Variants in LIPI observed in about 807,000 individuals in gnomAD.
LIPI encodes the protein lipase I, also known as lipase member I.
Under a neutral mutation model 50.6 loss-of-function variants are expected in LIPI, and 59 were observed. The observed-to-expected ratio is 1.16, with a 90% CI of 0.94 to 1.45. LIPI has a LOEUF of 1.45. LIPI is among the 40% of genes most tolerant of loss of function. The pLI is 0.00. For synonymous variants in LIPI, 203 were observed against 178.2 expected (o/e 1.14, Z -1.11); for missense variants, 586 against 536.3 (o/e 1.09, Z -0.92).
intron 9 of LIPI, chr21:14,143,823 G>T (rs1383446919): frequency 6.5e-6 from 1 of 153,680 alleles, no homozygotes; most frequent in East Asian, 1.9e-4. Context: ...GTGGAACAAG[G>T]ATAGTGGGAA....
intron 4 of LIPI, among the ~76,000 whole-genome samples, chr21:14,175,808 T>TC (rs1441117849): frequency 6.6e-6 from 1 of 152,188 alleles, no homozygotes; most frequent in Non-Finnish European, 1.5e-5. Context: ...TTGTTCTGTT[T>TC]TTTCTCTCCA....
At chr21:14,180,321 C>T (rs1417012511) in intron 4 of LIPI, among the ~76,000 whole-genome samples, 3 of 152,064 alleles carry the variant, frequency 2.0e-5, no homozygotes, top group Non-Finnish European at 2.9e-5. Flanking sequence ...GATCTTTGTA[C>T]CTACTCCCTG....
At chr21:14,188,220 C>T (rs916213293) in intron 2 of LIPI, among the ~76,000 whole-genome samples, 5 of 152,130 alleles carry the variant, frequency 3.3e-5, no homozygotes, top group Non-Finnish European at 7.4e-5. Flanking sequence ...TTTATTTGAT[C>T]CATTCAAATC....
At chr21:14,128,896 AGAG>A (rs2017174451) in intron 9 of LIPI, among the ~76,000 whole-genome samples, 1 of 152,098 alleles carries the variant, frequency 6.6e-6, no homozygotes, top group African/African-American at 2.4e-5. Context: ...GCCCTGGGTG[AGAG>A]TATTGATCAT....
At chr21:14,209,163 C>T (rs1031172527) in intron 1 of LIPI, among the ~76,000 whole-genome samples, 1 of 152,102 alleles carries the variant, frequency 6.6e-6, no homozygotes, top group Non-Finnish European at 1.5e-5. Context: ...TGCATATATG[C>T]ATATAATTTG....
chr21:14,116,327 G>A (rs776850460), intron 9 of LIPI, among the ~76,000 whole-genome samples: 16 of 152,094 alleles, frequency 1.1e-4, no homozygotes, highest in Non-Finnish European at 1.9e-4. Flanking sequence ...AGGTCAGTGC[G>A]TAAGGCCGAC....
chr21:14,199,666 G>C (rs774989623), intron 1 of LIPI, among the ~76,000 whole-genome samples: 1 of 150,236 alleles, frequency 6.7e-6, no homozygotes, highest in African/African-American at 2.4e-5. Flanking sequence ...AATTCTACTA[G>C]ATATAAAAGA....
At chr21:14,208,682 G>A in intron 1 of LIPI, among the ~76,000 whole-genome samples, 1 of 152,298 alleles carries the variant, frequency 6.6e-6, no homozygotes, top group East Asian at 1.9e-4. Context: ...TTCTTGCTTT[G>A]GTAACAAAGC....
At chr21:14,136,902 A>G (rs1044645166) in intron 9 of LIPI, among the ~76,000 whole-genome samples, 1 of 152,210 alleles carries the variant, frequency 6.6e-6, no homozygotes, top group Non-Finnish European at 1.5e-5. Flanking sequence ...ATGGGAAAAT[A>G]TAAGGAAAGA....
At chr21:14,186,707 G>A (rs1055781511) in intron 2 of LIPI, among the ~76,000 whole-genome samples, 1 of 152,128 alleles carries the variant, frequency 6.6e-6, no homozygotes, top group Admixed American at 6.5e-5. Context: ...TGTGGGTTAG[G>A]AGAATTATGT....
intron 4 of LIPI, among the ~76,000 whole-genome samples, chr21:14,176,312 G>T (rs983808771): frequency 1.3e-5 from 2 of 151,162 alleles, no homozygotes; most frequent in Non-Finnish European, 2.9e-5. Context: ...TAATTTCTTT[G>T]GTATGTTTAA....
intron 8 of LIPI, among the ~76,000 whole-genome samples, chr21:14,146,389 A>G (rs1401103769): frequency 1.3e-5 from 2 of 152,216 alleles, no homozygotes; most frequent in Non-Finnish European, 2.9e-5. Context: ...CACCCTTGAT[A>G]GTGCCCTTCT....
intron 9 of LIPI, among the ~76,000 whole-genome samples, chr21:14,141,873 G>A (rs1014642887): frequency 3.3e-5 from 5 of 152,118 alleles, no homozygotes; most frequent in African/African-American, 7.2e-5. Flanking sequence ...CGACTGAGGA[G>A]GAAATTCTCT....
chr21:14,152,667 T>C lies in LIPI; in HGVS notation c.1024A>G (p.Ser342Gly), dbSNP rs745933255. The C allele has an allele frequency of 1.3e-6, 2 of 1,494,348 alleles. No homozygotes were observed. The highest frequency in any genetic ancestry group is 1.4e-5 in the African/African-American group (1 of 72,384). The allele number at this position is 1,494,348 out of a possible 1,614,324, so 92.6% of individuals were successfully genotyped here. A position where few individuals can be genotyped will look rare whatever the true frequency, so the allele number is the denominator to read the frequency against. Residue 342 changes from serine to glycine, a missense_variant, in exon 8 of 10, where the codon AGT (serine) becomes GGT (glycine). Physicochemically the swap from Ser to Gly is moderately conservative, Grantham distance 56 (BLOSUM62 0). Transcript: ENST00000681601. ...YPFCTYYFVLSIIVPDKTMMD... is the reference protein window; with the variant it reads ...YPFCTYYFVLGIIVPDKTMMD... ...ATAGTTTTATCTGGAACAATTATAC[T>C]GAGAACAAAATAATAGGCTACAAAA...
chr21:14,145,312 C>T (rs1321918096), intron 8 of LIPI, among the ~76,000 whole-genome samples: 1 of 152,134 alleles, frequency 6.6e-6, no homozygotes, highest in Admixed American at 6.6e-5. Flanking sequence ...CATTTAACTA[C>T]CTGAAAAACT....
intron 8 of LIPI, 49 bp from the exon 9 acceptor site, chr21:14,144,848 ACT>A (rs777465043): frequency 1.5e-6 from 2 of 1,298,054 alleles, no homozygotes; most frequent in South Asian, 1.2e-5. Context: ...TTGAAACATA[ACT>A]CAATTCTAAA....
At chr21:14,195,113 G>A (rs111477863) in intron 1 of LIPI, among the ~76,000 whole-genome samples, 2 of 152,046 alleles carry the variant, frequency 1.3e-5, no homozygotes, top group Admixed American at 6.6e-5. Flanking sequence ...TTGTCAAGTC[G>A]GGGAGAAACA....
intron 1 of LIPI, among the ~76,000 whole-genome samples, chr21:14,202,669 T>C (rs893800305): frequency 2.0e-5 from 3 of 152,098 alleles, no homozygotes; most frequent in African/African-American, 2.4e-5. Context: ...TCACCCCTTA[T>C]ACAAAAATTA....
At chr21:14,132,511 G>A (rs116491883) in intron 9 of LIPI, among the ~76,000 whole-genome samples, 103 of 152,232 alleles carry the variant, frequency 6.8e-4, no homozygotes, top group Middle Eastern at 6.8e-3. Context: ...GTATTTCCCA[G>A]ACAAGCAAAT....
Sources: gnomAD v4.1 joint callset for allele counts (sites outside exome capture counted in the v4.1 genomes callset) on GRCh38, gnomAD v4.1.1 for gene constraint, MANE v1.5 for transcripts, NCBI Gene and HGNC (gene_info 2026-07-23, HGNC 2026-07-21) for gene names.